CFAP20DC: variants seen among roughly 807,000 people sequenced by gnomAD.
CFAP20DC encodes the protein CFAP20 domain containing.
A neutral mutation model predicts 101.7 loss-of-function variants in CFAP20DC; 84 were observed. That is an observed-to-expected ratio of 0.83 (90% confidence interval 0.69 to 0.99). CFAP20DC has a LOEUF of 0.99. CFAP20DC is among the 50% of genes least tolerant of loss of function. CFAP20DC has a pLI of 0.00. For synonymous variants in CFAP20DC, 359 were observed against 351.2 expected (o/e 1.02, Z -0.25); for missense variants, 1,007 against 970.3 (o/e 1.04, Z -0.50).
chr3:58,898,162 T>C (rs2082825355), intron 6 of CFAP20DC, among the ~76,000 whole-genome samples: 1 of 152,044 alleles, frequency 6.6e-6, no homozygotes, highest in Admixed American at 6.6e-5. Flanking sequence ...ACTTGGTCTA[T>C]TCTGTTACTG....
In CFAP20DC at chr3:58,732,944, T is replaced by C. The variant is rs1055259051; in HGVS notation, c.198-15316A>G. Among the ~76,000 whole-genome samples, 1 of 152,242 alleles carries C rather than the reference T, an allele frequency of 6.6e-6. No individual in the cohort carries two copies. The highest frequency in any genetic ancestry group is 6.5e-5 in the Admixed American group (1 of 15,286). ...ATAAATGCAAAGCTGAAGAGGATTATTTCTATAATTTCTTAACATAATCTT... is the reference window on the plus strand; with the variant it reads ...ATAAATGCAAAGCTGAAGAGGATTACTTCTATAATTTCTTAACATAATCTT... On this transcript the variant is annotated intron_variant, in intron 3 of 3. Transcript: ENST00000486145. This position sits in a 1 kb window ranked among gnomAD's most constrained non-coding sequence, Gnocchi z 5.4.
At chr3:58,988,549 A>G (rs1037495495) in intron 4 of CFAP20DC, among the ~76,000 whole-genome samples, 2 of 152,132 alleles carry the variant, frequency 1.3e-5, no homozygotes, top group Non-Finnish European at 2.9e-5. Flanking sequence ...AAAGTGACAT[A>G]TGTCAGCTCA....
At position 58,861,746 on chromosome 3, in the gene CFAP20DC, G is replaced by C; in HGVS notation, c.1593+1812C>G. On this transcript the variant is annotated intron_variant, in intron 12 of 16. Transcript: ENST00000482387. The surrounding 1 kb of genome is among the most constrained non-coding windows in gnomAD (Gnocchi z 4.0). ...CTTAGTAGGCTCTGATTAAAGGGTG[G>C]TGAGTGCCAGTGTTGGCAATGGGAT... 2.0e-6 allele frequency: 2 copies of C among 985,412 alleles called. No individual in the cohort carries two copies. The highest frequency in any genetic ancestry group is 2.4e-6 in the Non-Finnish European group (2 of 829,940). The allele number at this position is 985,412 out of a possible 1,614,324, so 61.0% of individuals were successfully genotyped here.
At position 59,015,683 on chromosome 3, in the gene CFAP20DC, T is replaced by C. The variant is rs1382230198; in HGVS notation, c.278+23874A>G. On this transcript the variant is annotated intron_variant, in intron 4 of 16. Transcript: ENST00000482387. The surrounding 1 kb of genome is among the most constrained non-coding windows in gnomAD (Gnocchi z 5.4). The stretch of plus-strand genomic sequence containing the variant: ...TAGTTGCATTCCTGAATGTCTTTCA[T>C]AAAAGTACATAATACAGTCTTAGAA... 6.6e-6 allele frequency among the ~76,000 whole-genome samples: 1 copy of C among 152,054 alleles called. No homozygotes were observed. Among genetic ancestry groups the C allele is most frequent in the Non-Finnish European group, 1.5e-5 (1 of 67,984 alleles).
intron 3 of CFAP20DC, among the ~76,000 whole-genome samples, chr3:58,718,362 C>T (rs1273087578): frequency 6.6e-6 from 1 of 152,188 alleles, no homozygotes; most frequent in African/African-American, 2.4e-5. Flanking sequence ...AATTCCTTCT[C>T]ACCCCAGAGC....
At chr3:59,037,222 C>A (rs1270582634) in intron 4 of CFAP20DC, among the ~76,000 whole-genome samples, 1 of 152,076 alleles carries the variant, frequency 6.6e-6, no homozygotes, top group Admixed American at 6.5e-5. Context: ...TAGGCATGGG[C>A]AAAGACTTCA....
chr3:58,892,446 T>C lies in CFAP20DC; in HGVS notation c.551-7737A>G, dbSNP rs780358628. 7.2e-5 allele frequency among the ~76,000 whole-genome samples: 11 copies of C among 152,366 alleles called. No individual in the cohort carries two copies. Among genetic ancestry groups the C allele is most frequent in the East Asian group, 1.9e-4 (1 of 5,184 alleles). On this transcript the variant is annotated intron_variant, in intron 6 of 16. Coordinates refer to ENST00000482387, the MANE Select transcript of CFAP20DC (RefSeq NM_001394063.1). This position sits in a 1 kb window ranked among gnomAD's most constrained non-coding sequence, Gnocchi z 4.0. ...GAGCAGTATGGCCATTTTCATGATA[T>C]TGATTCTTCCTATCCATGAGCATGG...
At chr3:58,773,261 A>G (rs1043151817) in intron 15 of CFAP20DC, among the ~76,000 whole-genome samples, 4 of 151,906 alleles carry the variant, frequency 2.6e-5, no homozygotes, top group Non-Finnish European at 4.4e-5. Flanking sequence ...CATTAAAAAT[A>G]TGAATTTGGC....
chr3:58,743,851 G>A (rs1575530443), intron 16 of CFAP20DC, among the ~76,000 whole-genome samples: 1 of 152,074 alleles, frequency 6.6e-6, no homozygotes, highest in Non-Finnish European at 1.5e-5. Flanking sequence ...GGTGAAGTGG[G>A]GGTTTAAAAC....
chr3:58,890,435 G>C (rs998401009), intron 6 of CFAP20DC, among the ~76,000 whole-genome samples: 2 of 144,954 alleles, frequency 1.4e-5, no homozygotes, highest in Non-Finnish European at 3.0e-5. Flanking sequence ...CGGGCGGGGG[G>C]GCTGACCCCC....
chr3:58,899,092 T>G lies in CFAP20DC; in HGVS notation c.551-14383A>C, dbSNP rs1032606883. Among the ~76,000 whole-genome samples the G allele has an allele frequency of 6.6e-6, 1 of 152,214 alleles. No homozygotes were observed. The highest frequency in any genetic ancestry group is 1.5e-5 in the Non-Finnish European group (1 of 68,030). ...TCTCCATCCCAGGGGGGTACTGACC[T>G]GTTGCCAGCCTGAACTGCACCTGTA... On this transcript the variant is annotated intron_variant, in intron 6 of 16. Transcript: ENST00000482387. This position sits in a 1 kb window ranked among gnomAD's most constrained non-coding sequence, Gnocchi z 5.0.
intron 14 of CFAP20DC, among the ~76,000 whole-genome samples, chr3:58,826,508 A>G (rs2076052309): frequency 6.6e-6 from 1 of 151,940 alleles, no homozygotes; most frequent in East Asian, 1.9e-4. Flanking sequence ...CCCTGTGTCC[A>G]TGTGTTCTCA....
intron 5 of CFAP20DC, among the ~76,000 whole-genome samples, chr3:58,936,951 T>G (rs2087750171): frequency 7.9e-6 from 1 of 127,168 alleles, no homozygotes; most frequent in South Asian, 3.2e-4. Flanking sequence ...AAAATAAATT[T>G]AAGCCAAAAA....
chr3:58,716,502 A>AG (rs1182076539), downstream of CFAP20DC, among the ~76,000 whole-genome samples: 2 of 152,152 alleles, frequency 1.3e-5, no homozygotes, highest in African/African-American at 4.8e-5. Flanking sequence ...CATGACAGGC[A>AG]GCTCAGATCG....
At chr3:58,879,542 C>T (rs763813138) in intron 7 of CFAP20DC, among the ~76,000 whole-genome samples, 9 of 152,172 alleles carry the variant, frequency 5.9e-5, no homozygotes, top group Non-Finnish European at 1.0e-4. Flanking sequence ...CAAATATTTA[C>T]TGAGCTCCTG....
At chr3:58,871,605 T>C (rs909840951) in intron 7 of CFAP20DC, among the ~76,000 whole-genome samples, 2 of 151,528 alleles carry the variant, frequency 1.3e-5, no homozygotes, top group African/African-American at 4.8e-5. Context: ...CTTGGCTCAC[T>C]GCAACCGCCG....
intron 15 of CFAP20DC, among the ~76,000 whole-genome samples, chr3:58,760,178 C>A (rs920474566): frequency 6.6e-6 from 1 of 152,098 alleles, no homozygotes; most frequent in Non-Finnish European, 1.5e-5. Flanking sequence ...ATGCAATGTT[C>A]TTCTATTTCT....
At chr3:58,737,887 T>C (rs2067794704), downstream of CFAP20DC, among the ~76,000 whole-genome samples, 1 of 152,212 alleles carries the variant, frequency 6.6e-6, no homozygotes, top group African/African-American at 2.4e-5. This position sits in a 1 kb window ranked among gnomAD's most constrained non-coding sequence, Gnocchi z 4.1. Flanking sequence ...GTGATGTCCA[T>C]CTCCATCTGT....
At chr3:58,939,340 T>C (rs2088172220) in intron 4 of CFAP20DC, among the ~76,000 whole-genome samples, 1 of 152,182 alleles carries the variant, frequency 6.6e-6, no homozygotes. Flanking sequence ...CTACTGGGAT[T>C]CTAGAAAGGA....
Sources: gnomAD v4.1 joint callset for allele counts (sites outside exome capture counted in the v4.1 genomes callset) on GRCh38, gnomAD v4.1.1 for gene constraint, Gnocchi (gnomAD v3.1) non-coding constraint, MANE v1.5 for transcripts, NCBI Gene and HGNC (gene_info 2026-07-23, HGNC 2026-07-21) for gene names.